The following CDH13 variants were observed in gnomAD, a reference collection of about 807,000 sequenced individuals.
CDH13 encodes the protein cadherin-13.
Under a neutral mutation model 63.8 loss-of-function variants are expected in CDH13, and 24 were observed. The observed-to-expected ratio is 0.38, with a 90% CI of 0.27 to 0.53. The LOEUF (loss-of-function observed/expected upper bound fraction) is 0.53. Among genes scored for constraint, CDH13 ranks in the 20% least tolerant of loss-of-function variants. CDH13 has a pLI of 0.85. For synonymous variants in CDH13, 503 were observed against 355.3 expected (o/e 1.42, Z -4.67); for missense variants, 1,049 against 903.1 (o/e 1.16, Z -2.07).
At chr16:82,936,256 G>A (rs964636103) in intron 2 of CDH13, among the ~76,000 whole-genome samples, 2 of 152,036 alleles carry the variant, frequency 1.3e-5, no homozygotes, top group Non-Finnish European at 2.9e-5. Context: ...AAATTATTTG[G>A]GGTTGCTTTT....
At chr16:83,171,955 G>A (rs2037938589) in intron 4 of CDH13, among the ~76,000 whole-genome samples, 1 of 152,074 alleles carries the variant, frequency 6.6e-6, no homozygotes. Flanking sequence ...GAGATAGCTG[G>A]TGGACATTAG....
At chr16:83,304,761 A>C (rs970481928) in intron 5 of CDH13, among the ~76,000 whole-genome samples, 14 of 152,078 alleles carry the variant, frequency 9.2e-5, no homozygotes, top group African/African-American at 3.4e-4. Context: ...TCTGGGAGTA[A>C]ATTCATGTTC....
intron 2 of CDH13, among the ~76,000 whole-genome samples, chr16:82,930,297 T>C (rs1239898521): frequency 1.3e-5 from 2 of 152,138 alleles, no homozygotes; most frequent in Non-Finnish European, 2.9e-5. Context: ...GTAAATGGAA[T>C]CATAGAGAGT....
chr16:83,050,914 A>G (rs1338622420), intron 3 of CDH13, among the ~76,000 whole-genome samples: 2 of 151,582 alleles, frequency 1.3e-5, no homozygotes, highest in Non-Finnish European at 2.9e-5. Context: ...GTTCCTCACC[A>G]CCTGGGAGGT....
chr16:83,666,516 A>T (rs542581363), intron 8 of CDH13, among the ~76,000 whole-genome samples: 2 of 152,292 alleles, frequency 1.3e-5, no homozygotes, highest in South Asian at 4.1e-4. Context: ...CTTTGCTTTC[A>T]TAGTAAATCC....
At chr16:83,228,083 G>A (rs1320647881) in intron 5 of CDH13, among the ~76,000 whole-genome samples, 1 of 152,190 alleles carries the variant, frequency 6.6e-6, no homozygotes, top group African/African-American at 2.4e-5. Context: ...GAGAAGGGAG[G>A]CCAGATGGAA....
At chr16:83,606,540 C>G (rs916090825) in intron 8 of CDH13, among the ~76,000 whole-genome samples, 1 of 151,746 alleles carries the variant, frequency 6.6e-6, no homozygotes, top group African/African-American at 2.4e-5. Context: ...GAGTTCAAGA[C>G]CAGTCTGGGA....
At chr16:82,772,346 T>C (rs7202135) in intron 1 of CDH13, among the ~76,000 whole-genome samples, 143,988 of 152,118 alleles carry the variant, frequency 0.95, 68,663 homozygotes, top group East Asian at 1. Flanking sequence ...GCAAAGAAAA[T>C]CTAGGGGATG....
chr16:83,033,550 A>AT (rs761436713), intron 3 of CDH13, among the ~76,000 whole-genome samples: 26 of 152,128 alleles, frequency 1.7e-4, no homozygotes, highest in Non-Finnish European at 3.8e-4. Context: ...TACACATGGT[A>AT]TATCTGTATT....
chr16:83,594,171 G>A (rs531508945), intron 7 of CDH13, among the ~76,000 whole-genome samples: 85 of 152,168 alleles, frequency 5.6e-4, no homozygotes, highest in Non-Finnish European at 1.0e-3. Context: ...CTTCCTGAAG[G>A]CCACCCTCAG....
intron 3 of CDH13, among the ~76,000 whole-genome samples, chr16:83,059,095 A>G (rs1044647495): frequency 6.6e-6 from 1 of 152,184 alleles, no homozygotes; most frequent in Non-Finnish European, 1.5e-5. Flanking sequence ...AAGTGAGTTC[A>G]TGGGGACATT....
At chr16:83,391,865 A>G (rs1311163317) in intron 6 of CDH13, among the ~76,000 whole-genome samples, 7 of 152,160 alleles carry the variant, frequency 4.6e-5, no homozygotes, top group African/African-American at 1.7e-4. Flanking sequence ...ATCTGTACGA[A>G]AATATTTGGG....
chr16:82,832,824 G>A lies in CDH13; in HGVS notation c.46-25538G>A, dbSNP rs139146675. On this transcript the variant is annotated intron_variant, in intron 1 of 13. Transcript: ENST00000567109. The stretch of plus-strand genomic sequence containing the variant: ...CTTGAGCATCTACTGGGTGACAATC[G>A]TTGAAATAGTATCTGAATTTAACTG... Among the ~76,000 whole-genome samples, 23 of 152,270 alleles carry A rather than the reference G, an allele frequency of 1.5e-4. No homozygotes were observed. The East Asian group carries it at 2.3e-3, about 15-fold the overall frequency.
intron 4 of CDH13, among the ~76,000 whole-genome samples, chr16:83,192,081 A>G (rs543146069): frequency 4.6e-5 from 7 of 152,238 alleles, no homozygotes; most frequent in African/African-American, 1.2e-4. Flanking sequence ...CTCGGTCACT[A>G]TTTTGTTATT....
rs186648133 is a variant in CDH13 at position 83,176,426 on chromosome 16, C to T, written c.484-40919C>T. On this transcript the variant is annotated intron_variant, in intron 4 of 13. Coordinates refer to ENST00000567109, the MANE Select transcript of CDH13 (RefSeq NM_001257.5). ...TCAGGAGGCTGAGGCAGGAGAATTG[C>T]TTGAACCTGGGAGGCGGGGGTTGCA... 8.5e-3 allele frequency among the ~76,000 whole-genome samples: 1,226 copies of T among 144,934 alleles called. 6 individuals are homozygous for T. Among genetic ancestry groups the T allele is most frequent in the Non-Finnish European group, 0.011 (739 of 66,836 alleles).
chr16:83,229,573 G>C (rs1458984196), intron 5 of CDH13, among the ~76,000 whole-genome samples: 1 of 152,030 alleles, frequency 6.6e-6, no homozygotes, highest in Admixed American at 6.6e-5. Context: ...GCTGTTAGCT[G>C]TTGATTTCTT....
At chr16:83,696,036 T>G (rs1300853200) in intron 10 of CDH13, among the ~76,000 whole-genome samples, 1 of 151,934 alleles carries the variant, frequency 6.6e-6, no homozygotes, top group Admixed American at 6.6e-5. Context: ...ATCACAGGCA[T>G]GCACCACCAT....
chr16:83,431,908 T>G (rs915294626), intron 6 of CDH13, among the ~76,000 whole-genome samples: 1 of 152,130 alleles, frequency 6.6e-6, no homozygotes, highest in African/African-American at 2.4e-5. Context: ...TTACGTGAAC[T>G]TGGAATTTTT....
intron 8 of CDH13, among the ~76,000 whole-genome samples, chr16:83,609,254 C>T (rs1490472000): frequency 6.6e-6 from 1 of 151,984 alleles, no homozygotes; most frequent in African/African-American, 2.4e-5. Flanking sequence ...TTTTTTAGCT[C>T]ATCAGCTATC....
Sources: allele counts gnomAD v4.1 joint callset (sites outside exome capture counted in the v4.1 genomes callset), GRCh38; gene constraint gnomAD v4.1.1; transcripts MANE v1.5; gene names NCBI Gene and HGNC (gene_info 2026-07-23, HGNC 2026-07-21).